SSR2: variants seen among roughly 807,000 people sequenced by gnomAD.
The protein encoded by SSR2 is signal sequence receptor subunit 2, also known as translocon-associated protein subunit beta.
Under a neutral mutation model 22.6 loss-of-function variants are expected in SSR2, and 16 were observed. That is an observed-to-expected ratio of 0.71 (90% confidence interval 0.48 to 1.08). The LOEUF (loss-of-function observed/expected upper bound fraction) is 1.08, where lower values mean the gene tolerates loss of function less well. Among genes scored for constraint, SSR2 ranks in the 50% least tolerant of loss-of-function variants. The pLI is 0.00. For synonymous variants in SSR2, 83 were observed against 91.2 expected (o/e 0.91, Z 0.51); for missense variants, 171 against 221.6 (o/e 0.77, Z 1.45).
Position 156,009,401 on chromosome 1 carries a change from GCAGGATC to G in SSR2, c.*132_*138del. On this transcript the variant is annotated 3_prime_UTR_variant, in exon 6 of 6. Transcript: ENST00000295702. ...GTCCTTCACTATGGCTGAGAGCAGG[GCAGGATC>G]CAGGAGAAAGTGGCCAAGGGCTAAG... 1 of 710,820 alleles carries G rather than the reference GCAGGATC, an allele frequency of 1.4e-6. No homozygotes were observed. Among genetic ancestry groups the G allele is most frequent in the South Asian group, 1.6e-5 (1 of 60,644 alleles). 44.0% of individuals were successfully genotyped at this position (710,820 alleles called of 1,614,324 possible).
At position 156,018,865 on chromosome 1, in the gene SSR2, C is replaced by T. The variant is rs954725320; in HGVS notation, c.156-497G>A. Among the ~76,000 whole-genome samples the T allele has an allele frequency of 2.0e-5, 3 of 150,214 alleles. No homozygotes were observed. In the Admixed American group the frequency reaches 2.0e-4, roughly 10 times the overall value. On this transcript the variant is annotated intron_variant, in intron 2 of 5. Coordinates refer to ENST00000295702, the MANE Select transcript of SSR2 (RefSeq NM_003145.4). The stretch of plus-strand genomic sequence containing the variant: ...CTCCGTCTCTAAAATACAAAAAATC[C>T]TGTCTCTAAAAATACAAAAATTAGC...
intron 4 of SSR2, chr1:156,013,777 T>C (rs1485828056): frequency 2.0e-5 from 3 of 153,120 alleles, no homozygotes; most frequent in East Asian, 1.9e-4. Context: ...GCAGGAGCAA[T>C]CTAAGCAAGG....
intron 3 of SSR2, among the ~76,000 whole-genome samples, chr1:156,016,766 T>G (rs987858186): frequency 1.3e-5 from 2 of 152,146 alleles, no homozygotes; most frequent in Non-Finnish European, 2.9e-5. Flanking sequence ...AATTGGATCA[T>G]GGGGGCAGAT....
At chr1:156,012,586 G>A (rs182255497) in intron 4 of SSR2, 77 of 456,176 alleles carry the variant, frequency 1.7e-4, no homozygotes, top group Non-Finnish European at 2.6e-4. Context: ...AAATGATACC[G>A]GATGTGAAAA....
chr1:156,010,487 G>A (rs570287547), intron 5 of SSR2: 6 of 152,198 alleles, frequency 3.9e-5, no homozygotes, highest in Admixed American at 3.9e-4. Context: ...CTCCAGCAGA[G>A]ATTATAGGTA....
chr1:156,015,142 G>T, intron 3 of SSR2, 73 bp from the exon 4 acceptor site: 1 of 1,125,534 alleles, frequency 8.9e-7, no homozygotes, highest in Non-Finnish European at 1.3e-6. Context: ...TGGACTAAAT[G>T]CACCACTTAC....
At chr1:156,010,147 G>A (rs1043038122) in intron 5 of SSR2, 7 of 152,492 alleles carry the variant, frequency 4.6e-5, no homozygotes, top group Non-Finnish European at 7.3e-5. Context: ...TTGATCTCCT[G>A]GGCTTAAGTA....
intron 1 of SSR2, chr1:156,020,438 TTC>T (rs1683131142): frequency 5.2e-6 from 2 of 387,020 alleles, no homozygotes; most frequent in Non-Finnish European, 9.8e-6. Context: ...TGGTGGAGTC[TTC>T]TGAGGGGACA....
rs1682982501 is a variant in SSR2 at position 156,011,855 on chromosome 1, T to G, written c.396A>C (p.Gly132=). 10 of 1,613,852 alleles carry G rather than the reference T, an allele frequency of 6.2e-6. No individual in the cohort carries two copies. Among genetic ancestry groups the G allele is most frequent in the Non-Finnish European group, 8.5e-6 (10 of 1,179,972 alleles). Residue 132 remains glycine (G), a synonymous_variant, in exon 5 of 6, where the codon GGA becomes GGC. Coordinates refer to ENST00000295702, the MANE Select transcript of SSR2 (RefSeq NM_003145.4). ...TGTCAAACTCCCGCTGAGCCAGGATTCCTCCCTGTCCAGGTGCACTGGTAG... is the reference window on the plus strand; with the variant it reads ...TGTCAAACTCCCGCTGAGCCAGGATGCCTCCCTGTCCAGGTGCACTGGTAG... The part of the protein sequence containing the change: ...IGSTSAPGQG[G]ILAQREFDRR...
intron 5 of SSR2, 146 bp downstream of exon 5, chr1:156,011,664 T>C: frequency 1.6e-6 from 1 of 609,970 alleles, no homozygotes; most frequent in Non-Finnish European, 2.9e-6. Context: ...AATCAATCTA[T>C]TTGATGAGTA....
At chr1:156,012,675 CT>C (rs1558076593) in intron 4 of SSR2, 3 of 438,454 alleles carry the variant, frequency 6.8e-6, no homozygotes, top group Non-Finnish European at 1.4e-5. Flanking sequence ...AATGTTAGTT[CT>C]TTTCATTCTA....
chr1:156,016,520 G>A (rs1023145531), intron 3 of SSR2, among the ~76,000 whole-genome samples: 1 of 151,940 alleles, frequency 6.6e-6, no homozygotes, highest in African/African-American at 2.4e-5. Flanking sequence ...ACAGGCGTAA[G>A]CCACCGCGCC....
intron 3 of SSR2, among the ~76,000 whole-genome samples, chr1:156,016,152 C>CA (rs939253401): frequency 1.6e-4 from 24 of 146,660 alleles, no homozygotes; most frequent in South Asian, 1.1e-3. Flanking sequence ...AACTCCATCT[C>CA]AAAAAAAAAA....
rs774755016 is a variant in SSR2 at position 156,011,906 on chromosome 1, C to G, written c.364-19G>C. On this transcript the variant is annotated intron_variant, in intron 4 of 5. Transcript: ENST00000295702. The stretch of plus-strand genomic sequence containing the variant: ...AGCCAATCTGAAAAGAAGAAAAGAA[C>G]GACATTAAGGGAAGTCCACCTCATG... 2 of 1,605,078 alleles carry G rather than the reference C, an allele frequency of 1.2e-6. No homozygotes were observed. Among genetic ancestry groups the G allele is most frequent in the Non-Finnish European group, 8.5e-7 (1 of 1,172,186 alleles).
intron 1 of SSR2, chr1:156,020,512 G>A (rs1338081953): frequency 1.9e-5 from 6 of 310,350 alleles, no homozygotes; most frequent in African/African-American, 4.3e-5. Context: ...GGACCTGCAG[G>A]AGCCTGTAGC....
At position 156,020,914 on chromosome 1, in the gene SSR2, A is replaced by G. The variant is rs1683144719; in HGVS notation, c.-27T>C. On this transcript the variant is annotated 5_prime_UTR_variant, in exon 1 of 6. Coordinates refer to ENST00000295702, the MANE Select transcript of SSR2 (RefSeq NM_003145.4). ...GTTGGCATCCCAAACGCCTTTCCGGAGCCACAAAGACAGGAAGAGAGCGTC... is the reference window on the plus strand; with the variant it reads ...GTTGGCATCCCAAACGCCTTTCCGGGGCCACAAAGACAGGAAGAGAGCGTC... The G allele has an allele frequency of 2.1e-6, 1 of 471,164 alleles. No individual in the cohort carries two copies. The highest frequency in any genetic ancestry group is 4.4e-6 in the Non-Finnish European group (1 of 226,990). The allele number at this position is 471,164 out of a possible 1,614,324, so 29.2% of individuals were successfully genotyped here.
At position 156,014,700 on chromosome 1, in the gene SSR2, C is replaced by T. The variant is rs1214850897; in HGVS notation, c.363+261G>A. 6.3e-5 allele frequency: 17 copies of T among 269,750 alleles called. No homozygotes were observed. In the Admixed American group the frequency reaches 7.7e-4, roughly 12 times the overall value. The allele number at this position is 269,750 out of a possible 1,614,324, so 16.7% of individuals were successfully genotyped here. A position where few individuals can be genotyped will look rare whatever the true frequency, so the allele number is the denominator to read the frequency against. Reference sequence around the variant, plus strand: ...GGGATTACAGGCGCCTGCCACCACGCCCAGCTAATTTTTGTATTTGTAGTA... The same window carrying T: ...GGGATTACAGGCGCCTGCCACCACGTCCAGCTAATTTTTGTATTTGTAGTA... On this transcript the variant is annotated intron_variant, in intron 4 of 5. Transcript: ENST00000295702.
Position 156,020,094 on chromosome 1 carries a change from G to C in SSR2, c.74C>G (p.Ala25Gly), listed in dbSNP as rs1377737467. 3.1e-6 allele frequency: 5 copies of C among 1,614,054 alleles called. No individual in the cohort carries two copies. Among genetic ancestry groups the C allele is most frequent in the Non-Finnish European group, 4.2e-6 (5 of 1,180,044 alleles). Reference protein sequence around the residue: ...TQAEEGARLLASKSLLNRYAV... With the variant: ...TQAEEGARLLGSKSLLNRYAV... The stretch of plus-strand genomic sequence containing the variant: ...GTATCTGTTCAGCAGTGATTTGGAA[G>C]CCAAAAGCCTGGCTCCTTCCTCTGC... Residue 25 changes from alanine (A) to glycine (G), a missense_variant, in exon 2 of 6, where the codon GCT becomes GGT. Coordinates refer to ENST00000295702, the MANE Select transcript of SSR2 (RefSeq NM_003145.4).
intron 4 of SSR2, chr1:156,013,938 A>C (rs907207701): frequency 6.6e-6 from 1 of 152,112 alleles, no homozygotes; most frequent in Admixed American, 6.6e-5. Context: ...GCCATGGTAC[A>C]CCTCTCCCAT....
Sources: allele counts gnomAD v4.1 joint callset (sites outside exome capture counted in the v4.1 genomes callset), GRCh38; gene constraint gnomAD v4.1.1; transcripts MANE v1.5; gene names NCBI Gene and HGNC (gene_info 2026-07-23, HGNC 2026-07-21).